Variants in DENND11 observed in about 807,000 individuals in gnomAD.
The protein encoded by DENND11 is DENN domain-containing protein 11.
Under a neutral mutation model 49.2 loss-of-function variants are expected in DENND11, and 34 were observed. The ratio of observed to expected loss-of-function variants is 0.69; its 90% CI spans 0.53 to 0.92. The LOEUF (loss-of-function observed/expected upper bound fraction) is 0.92. Among genes scored for constraint, DENND11 ranks in the 40% least tolerant of loss-of-function variants. DENND11 has a pLI of 0.00. For synonymous variants in DENND11, 238 were observed against 230.3 expected (o/e 1.03, Z -0.30); for missense variants, 475 against 581.6 (o/e 0.82, Z 1.88).
chr7:141,701,289 AAAT>A (rs1267421248), intron 1 of DENND11, among the ~76,000 whole-genome samples: 1 of 151,652 alleles, frequency 6.6e-6, no homozygotes, highest in Non-Finnish European at 1.5e-5. Context: ...TAATTCCTCA[AAAT>A]AATGCAGTCA....
chr7:141,692,504 G>A (rs538084776), intron 1 of DENND11, among the ~76,000 whole-genome samples: 2 of 152,042 alleles, frequency 1.3e-5, no homozygotes, highest in Non-Finnish European at 2.9e-5. Context: ...TTTGCCAAAG[G>A]AACAAAGGCA....
At chr7:141,695,494 C>T (rs1258428706) in intron 1 of DENND11, among the ~76,000 whole-genome samples, 1 of 152,198 alleles carries the variant, frequency 6.6e-6, no homozygotes. Flanking sequence ...AACCAGCTTA[C>T]ATATGGAATT....
intron 8 of DENND11, 53 bp from the exon 9 acceptor site, chr7:141,662,904 C>T: frequency 5.8e-6 from 8 of 1,385,802 alleles, no homozygotes; most frequent in Middle Eastern, 1.8e-4. Context: ...ATAAAAAGCT[C>T]ACCAGATAAT....
At chr7:141,698,368 T>C (rs1798448675) in intron 1 of DENND11, among the ~76,000 whole-genome samples, 1 of 152,176 alleles carries the variant, frequency 6.6e-6, no homozygotes. Context: ...GAAACAGCAA[T>C]ATTCTGGCTT....
At chr7:141,673,056 T>C (rs1342976675) in intron 4 of DENND11, among the ~76,000 whole-genome samples, 1 of 152,200 alleles carries the variant, frequency 6.6e-6, no homozygotes, top group Non-Finnish European at 1.5e-5. Context: ...TCATGTCTCA[T>C]GAACTTGTCT....
intron 3 of DENND11, among the ~76,000 whole-genome samples, chr7:141,682,875 G>C (rs1229310003): frequency 2.7e-5 from 4 of 150,204 alleles, no homozygotes; most frequent in Non-Finnish European, 5.9e-5. Context: ...TTTTTAAAAG[G>C]AATAATATTG....
intron 2 of DENND11, among the ~76,000 whole-genome samples, chr7:141,686,264 A>T (rs980629033): frequency 2.0e-5 from 3 of 152,202 alleles, no homozygotes; most frequent in Non-Finnish European, 2.9e-5. Context: ...CGGGGCTGAA[A>T]CTGTGCACTT....
chr7:141,664,200 T>C lies in DENND11; in HGVS notation c.1144A>G (p.Asn382Asp), dbSNP rs559782816. 2.5e-6 allele frequency: 4 copies of C among 1,585,020 alleles called. No individual in the cohort carries two copies. In the African/African-American group the frequency reaches 5.4e-5, roughly 21 times the overall value. ...LYSQEVEEDYNPCEEDLFVLF... is the reference protein window; with the variant it reads ...LYSQEVEEDYDPCEEDLFVLF... ...ACGAAGAGGTCCTCTTCACAAGGGT[T>C]GTAGTCTTCTTCTACTTCCTGGGAG... is the stretch of plus-strand genomic sequence containing the variant. The change falls in exon 8 of 9, where the codon AAC becomes GAC. Residue 382 changes from asparagine (N) to aspartate (D), a missense_variant. By Grantham distance (23) the Asn-to-Asp change is conservative. Transcript: ENST00000536163.
chr7:141,686,859 C>T (rs1197297730), intron 1 of DENND11, among the ~76,000 whole-genome samples: 1 of 152,174 alleles, frequency 6.6e-6, no homozygotes, highest in Non-Finnish European at 1.5e-5. Flanking sequence ...ACTAAAAGAA[C>T]CTCCCATTTC....
chr7:141,683,763 C>A (rs1202303787), intron 3 of DENND11, among the ~76,000 whole-genome samples: 1 of 152,176 alleles, frequency 6.6e-6, no homozygotes, highest in African/African-American at 2.4e-5. Context: ...CGACTAATTT[C>A]AGATAACAGT....
rs1305276426 is a variant in DENND11, at chr7:141,685,029, A to AAAAAT, written c.527+448_527+449insATTTT. On this transcript the variant is annotated intron_variant, in intron 3 of 8. Coordinates refer to ENST00000536163, the MANE Select transcript of DENND11 (RefSeq NM_001080392.2). Reference sequence around the variant, plus strand: ...GTCTCTACCAAAAAAAAAAAAAAAAAATATATATATATATATATATATATA... The same window carrying AAAAAT: ...GTCTCTACCAAAAAAAAAAAAAAAAAAAAATATATATATATATATATATATATATA... Among the ~76,000 whole-genome samples, 56 of 91,538 alleles carry AAAAAT rather than the reference A, an allele frequency of 6.1e-4. 1 individual carries two copies. Among genetic ancestry groups the AAAAAT allele is most frequent in the Middle Eastern group, 0.01 (1 of 100 alleles). 60.1% of individuals were successfully genotyped at this position (91,538 alleles called of 152,430 possible).
chr7:141,672,583 G>A (rs1798000287), intron 4 of DENND11, among the ~76,000 whole-genome samples: 1 of 152,174 alleles, frequency 6.6e-6, no homozygotes, highest in Admixed American at 6.5e-5. Context: ...TACCTCCCCA[G>A]TCAAACCTTC....
At chr7:141,669,990 T>C (rs1797955256) in intron 4 of DENND11, among the ~76,000 whole-genome samples, 1 of 151,454 alleles carries the variant, frequency 6.6e-6, no homozygotes, top group African/African-American at 2.4e-5. Flanking sequence ...TTTTGTATTT[T>C]TAGTAGAGAC....
At chr7:141,685,441 C>T (rs1272792675) in intron 3 of DENND11, 37 bp downstream of exon 3, 22 of 1,608,592 alleles carry the variant, frequency 1.4e-5, no homozygotes, top group Admixed American at 1.7e-5. Context: ...GCTGGTGGAT[C>T]CTGCTGCCTC....
intron 3 of DENND11, among the ~76,000 whole-genome samples, chr7:141,676,501 A>G (rs955093388): frequency 1.3e-5 from 2 of 152,236 alleles, no homozygotes; most frequent in Non-Finnish European, 2.9e-5. Flanking sequence ...AAGAACTAAT[A>G]TGAGGATTCT....
At chr7:141,678,558 T>C (rs930834112) in intron 3 of DENND11, among the ~76,000 whole-genome samples, 2 of 152,222 alleles carry the variant, frequency 1.3e-5, no homozygotes, top group African/African-American at 4.8e-5. Flanking sequence ...GCTTCAATAA[T>C]ATTTGATCCA....
At chr7:141,688,388 G>A (rs1222555329) in intron 1 of DENND11, among the ~76,000 whole-genome samples, 2 of 152,162 alleles carry the variant, frequency 1.3e-5, no homozygotes, top group African/African-American at 4.8e-5. Context: ...CTCAGGACAT[G>A]GTAGATATCA....
intron 3 of DENND11, among the ~76,000 whole-genome samples, chr7:141,678,084 C>T (rs1798093637): frequency 6.6e-6 from 1 of 151,988 alleles, no homozygotes; most frequent in Non-Finnish European, 1.5e-5. Flanking sequence ...GCCTCAGCTT[C>T]CCGAGTAGCT....
At chr7:141,669,911 C>T (rs996775133) in intron 4 of DENND11, among the ~76,000 whole-genome samples, 10 of 146,000 alleles carry the variant, frequency 6.8e-5, no homozygotes, top group Admixed American at 2.1e-4. Flanking sequence ...CTGGGGTTCA[C>T]GCCATTCTCC....
Sources: gnomAD v4.1 joint callset for allele counts (sites outside exome capture counted in the v4.1 genomes callset) on GRCh38, gnomAD v4.1.1 for gene constraint, MANE v1.5 for transcripts, NCBI Gene and HGNC (gene_info 2026-07-23, HGNC 2026-07-21) for gene names.